NKAIN2: variants seen among roughly 807,000 people sequenced by gnomAD.
NKAIN2 encodes the protein sodium/potassium-transporting ATPase subunit beta-1-interacting protein 2.
A neutral mutation model predicts 32.6 loss-of-function variants in NKAIN2; 14 were observed. That is an observed-to-expected ratio of 0.43 (90% CI 0.28 to 0.67). The LOEUF (loss-of-function observed/expected upper bound fraction) is 0.67. Ranked by LOEUF, NKAIN2 falls within the 30% of genes least tolerant of loss-of-function variation. The pLI, the probability that NKAIN2 is intolerant of heterozygous loss-of-function variation, is 0.17. For missense variants in NKAIN2, 198 were observed against 258.3 expected (o/e 0.77, Z 1.60); for synonymous variants, 80 against 87.2 (o/e 0.92, Z 0.46).
intron 1 of NKAIN2, among the ~76,000 whole-genome samples, chr6:123,837,824 C>T (rs1360320391): frequency 6.6e-6 from 1 of 152,034 alleles, no homozygotes; most frequent in African/African-American, 2.4e-5. Context: ...GTGGAACATT[C>T]CATCTTGTGG....
At chr6:124,724,816 A>C (rs911334787) in intron 4 of NKAIN2, among the ~76,000 whole-genome samples, 4 of 152,244 alleles carry the variant, frequency 2.6e-5, no homozygotes, top group Non-Finnish European at 5.9e-5. Flanking sequence ...GGTTAGTTCC[A>C]TCCAGGTTTA....
chr6:124,697,188 G>T (rs774116795), intron 4 of NKAIN2, among the ~76,000 whole-genome samples: 10 of 152,070 alleles, frequency 6.6e-5, no homozygotes, highest in Non-Finnish European at 1.5e-4. Flanking sequence ...GAATCCCTAG[G>T]TCTTAAAATT....
intron 1 of NKAIN2, among the ~76,000 whole-genome samples, chr6:124,059,883 T>C (rs1237464895): frequency 6.6e-6 from 1 of 152,246 alleles, no homozygotes; most frequent in Admixed American, 6.6e-5. Context: ...AAGCAGCCCT[T>C]TTCTGTCATG....
intron 3 of NKAIN2, among the ~76,000 whole-genome samples, chr6:124,404,300 C>T (rs922932099): frequency 1.3e-5 from 2 of 152,062 alleles, no homozygotes; most frequent in African/African-American, 2.4e-5. Flanking sequence ...CAGGTCCCAA[C>T]CCAAAAGAGA....
chr6:124,014,171 A>G (rs1397368443), intron 1 of NKAIN2, among the ~76,000 whole-genome samples: 1 of 152,212 alleles, frequency 6.6e-6, no homozygotes, highest in Non-Finnish European at 1.5e-5. Context: ...AATGAGTAAT[A>G]GAAAGCTTTT....
At chr6:124,330,324 A>G (rs1158769857) in intron 2 of NKAIN2, among the ~76,000 whole-genome samples, 1 of 152,194 alleles carries the variant, frequency 6.6e-6, no homozygotes, top group Non-Finnish European at 1.5e-5. Context: ...ATTTGCATAC[A>G]AGCAATTTAT....
intron 2 of NKAIN2, among the ~76,000 whole-genome samples, chr6:124,314,838 A>G (rs1796875804): frequency 6.6e-6 from 1 of 152,148 alleles, no homozygotes; most frequent in Non-Finnish European, 1.5e-5. Context: ...CATTACAGAA[A>G]ATATGAATTC....
intron 1 of NKAIN2, among the ~76,000 whole-genome samples, chr6:124,187,540 G>A (rs527635421): frequency 1.1e-4 from 16 of 152,192 alleles, no homozygotes; most frequent in East Asian, 9.7e-4. Flanking sequence ...TACTTTAGGC[G>A]TATTGAAGCA....
chr6:124,769,286 A>T (rs1439710474), intron 4 of NKAIN2, among the ~76,000 whole-genome samples: 2 of 152,208 alleles, frequency 1.3e-5, no homozygotes, highest in Non-Finnish European at 2.9e-5. Context: ...AACCAAAGCC[A>T]GATGATTAAA....
intron 3 of NKAIN2, among the ~76,000 whole-genome samples, chr6:124,628,012 C>A (rs1234936606): frequency 6.6e-6 from 1 of 152,282 alleles, no homozygotes; most frequent in East Asian, 1.9e-4. Context: ...CACGTGTTCA[C>A]ACACACATTC....
intron 3 of NKAIN2, among the ~76,000 whole-genome samples, chr6:124,627,987 A>G (rs1480776592): frequency 6.6e-6 from 1 of 151,978 alleles, no homozygotes; most frequent in East Asian, 2.0e-4. Flanking sequence ...TTTCACTTAC[A>G]TTCACATACA....
chr6:124,243,038 T>TAAA (rs11410948), intron 1 of NKAIN2, among the ~76,000 whole-genome samples: 11 of 135,606 alleles, frequency 8.1e-5, no homozygotes, highest in Admixed American at 3.7e-4. Flanking sequence ...AAAGTATAAT[T>TAAA]AAAAAAAAAA....
At chr6:124,146,955 C>G (rs1012081957) in intron 1 of NKAIN2, among the ~76,000 whole-genome samples, 1 of 152,158 alleles carries the variant, frequency 6.6e-6, no homozygotes, top group Non-Finnish European at 1.5e-5. Context: ...AGTGTTTCAT[C>G]TCCTAAACTG....
At chr6:123,833,903 T>C (rs1774498283) in intron 1 of NKAIN2, among the ~76,000 whole-genome samples, 2 of 151,826 alleles carry the variant, frequency 1.3e-5, no homozygotes, top group Admixed American at 1.3e-4. Flanking sequence ...ACTTTTTGTA[T>C]TTTTAGTAGA....
At chr6:123,949,863 G>A (rs754250368) in intron 1 of NKAIN2, among the ~76,000 whole-genome samples, 9 of 151,934 alleles carry the variant, frequency 5.9e-5, no homozygotes, top group Admixed American at 2.0e-4. Flanking sequence ...AAGTGGGCAT[G>A]CTTATTTTGT....
intron 5 of NKAIN2, among the ~76,000 whole-genome samples, chr6:124,802,753 C>A (rs974973630): frequency 2.0e-5 from 3 of 152,184 alleles, no homozygotes; most frequent in Admixed American, 1.3e-4. Context: ...CCTATCTATT[C>A]TTTTTCCTTG....
chr6:124,245,905 C>T (rs1327676032), intron 1 of NKAIN2, among the ~76,000 whole-genome samples: 1 of 151,970 alleles, frequency 6.6e-6, no homozygotes, highest in East Asian at 1.9e-4. Context: ...TAAAGTGGAA[C>T]CAAGACATGG....
chr6:124,649,370 G>A (rs1784285869), intron 3 of NKAIN2, among the ~76,000 whole-genome samples: 1 of 151,970 alleles, frequency 6.6e-6, no homozygotes, highest in Non-Finnish European at 1.5e-5. Flanking sequence ...TAACAACAAA[G>A]ATAAAATGGA....
intron 1 of NKAIN2, among the ~76,000 whole-genome samples, chr6:124,082,168 G>A (rs1015373981): frequency 3.3e-4 from 50 of 152,052 alleles, no homozygotes; most frequent in African/African-American, 1.2e-3. Flanking sequence ...AGGGAGACCT[G>A]AGCTGAGTTT....
Sources: allele counts gnomAD v4.1 joint callset (sites outside exome capture counted in the v4.1 genomes callset), GRCh38; gene constraint gnomAD v4.1.1; transcripts MANE v1.5; gene names NCBI Gene and HGNC (gene_info 2026-07-23, HGNC 2026-07-21).